SGIP1: variants seen among roughly 807,000 people sequenced by gnomAD.
The protein encoded by SGIP1 is SH3-containing GRB2-like protein 3-interacting protein 1.
SGIP1 carries 38 observed loss-of-function variants against 107.5 expected under a neutral mutation model. That is an observed-to-expected ratio of 0.35 (90% confidence interval 0.27 to 0.46). The LOEUF is 0.46. Among genes scored for constraint, SGIP1 ranks in the 20% least tolerant of loss-of-function variants. The pLI is 1.00. For synonymous variants in SGIP1, 365 were observed against 366.1 expected (o/e 1.00, Z 0.03); for missense variants, 929 against 1,019.5 (o/e 0.91, Z 1.21).
intron 18 of SGIP1, among the ~76,000 whole-genome samples, chr1:66,703,711 ATATATAT>A (rs1405145339): frequency 6.6e-6 from 1 of 151,058 alleles, no homozygotes; most frequent in Non-Finnish European, 1.5e-5. Flanking sequence ...GATCTATATC[ATATATAT>A]TATATATGAT....
intron 1 of SGIP1, among the ~76,000 whole-genome samples, chr1:66,573,447 A>T (rs1477766067): frequency 6.6e-6 from 1 of 152,162 alleles, no homozygotes; most frequent in Non-Finnish European, 1.5e-5. Flanking sequence ...TATCAGAACG[A>T]CACATGCACT....
chr1:66,636,063 CAG>C, intron 4 of SGIP1, 48 bp downstream of exon 4: 1 of 1,549,272 alleles, frequency 6.5e-7, no homozygotes, highest in Non-Finnish European at 8.9e-7. Context: ...TTATAAAAAA[CAG>C]TGAGTAAAAT....
At chr1:66,604,250 C>G (rs2066398595) in intron 1 of SGIP1, among the ~76,000 whole-genome samples, 1 of 152,066 alleles carries the variant, frequency 6.6e-6, no homozygotes, top group Admixed American at 6.5e-5. Flanking sequence ...GGGTTTATTA[C>G]CAGAGTTCTG....
At chr1:66,715,287 A>G (rs372400277) in intron 18 of SGIP1, among the ~76,000 whole-genome samples, 15 of 152,268 alleles carry the variant, frequency 9.9e-5, no homozygotes, top group East Asian at 7.7e-4. Flanking sequence ...ACAAAATGGC[A>G]TATCAATTGC....
intron 1 of SGIP1, among the ~76,000 whole-genome samples, chr1:66,574,583 T>C (rs1195070431): frequency 1.3e-5 from 2 of 152,192 alleles, no homozygotes; most frequent in East Asian, 1.9e-4. Context: ...ATGCAGAACA[T>C]AGGAGTTATC....
At chr1:66,659,127 T>A (rs150523242) in intron 7 of SGIP1, among the ~76,000 whole-genome samples, 18 of 152,200 alleles carry the variant, frequency 1.2e-4, no homozygotes, top group Admixed American at 3.3e-4. Context: ...ATTTTCCGGA[T>A]AATAAGGAGG....
Position 66,745,356 on chromosome 1 carries a change from G to A in SGIP1, c.*2261G>A, listed in dbSNP as rs1330301978. The A allele has an allele frequency of 6.6e-6, 1 of 152,122 alleles. No homozygotes were observed. Among genetic ancestry groups the A allele is most frequent in the African/African-American group, 2.4e-5 (1 of 41,554 alleles). 9.4% of individuals were successfully genotyped at this position (152,122 alleles called of 1,614,324 possible). ...AACAATTTCAAAATGATTGAACTAT[G>A]AGTAACCAGAACCTCAATAGAAAAT... is the stretch of plus-strand genomic sequence containing the variant. On this transcript the variant is annotated 3_prime_UTR_variant, in exon 25 of 25. Transcript: ENST00000371037.
intron 1 of SGIP1, among the ~76,000 whole-genome samples, chr1:66,600,600 T>C (rs2065605632): frequency 6.6e-6 from 1 of 151,940 alleles, no homozygotes; most frequent in Non-Finnish European, 1.5e-5. Context: ...GAGAGAAGAG[T>C]GTGCTCAGAA....
intron 4 of SGIP1, 35 bp from the exon 5 acceptor site, chr1:66,639,742 T>C: frequency 6.5e-7 from 1 of 1,526,944 alleles, no homozygotes; most frequent in Non-Finnish European, 9.1e-7. Flanking sequence ...TATTCAAATG[T>C]TTTCCTTCTA....
Position 66,682,373 on chromosome 1 carries a change from T to G in SGIP1, c.1315+4T>G, listed in dbSNP as rs1425062150. The stretch of plus-strand genomic sequence containing the variant: ...CCTGGTCCGGGGACCACCAGTGGTA[T>G]GTCTTATGCTTGAGTGTGCTTCTTG... On this transcript the variant is annotated splice_donor_region_variant and intron_variant, in intron 15 of 24. Transcript: ENST00000371037. 1 of 1,600,926 alleles carries G rather than the reference T, an allele frequency of 6.2e-7. No individual in the cohort carries two copies. Among genetic ancestry groups the G allele is most frequent in the Non-Finnish European group, 8.5e-7 (1 of 1,176,236 alleles).
intron 7 of SGIP1, among the ~76,000 whole-genome samples, chr1:66,647,228 A>T (rs2077813676): frequency 6.6e-6 from 1 of 152,250 alleles, no homozygotes; most frequent in African/African-American, 2.4e-5. Context: ...CGTTTCCTAG[A>T]GTAGCACTGC....
intron 1 of SGIP1, among the ~76,000 whole-genome samples, chr1:66,562,524 G>A (rs2059104077): frequency 6.6e-6 from 1 of 152,006 alleles, no homozygotes; most frequent in African/African-American, 2.4e-5. Flanking sequence ...AAGACAAAGA[G>A]GACTAGTGGG....
At chr1:66,630,278 C>G (rs1400648684) in intron 2 of SGIP1, among the ~76,000 whole-genome samples, 2 of 152,168 alleles carry the variant, frequency 1.3e-5, no homozygotes, top group Non-Finnish European at 2.9e-5. Flanking sequence ...GACCTTGTAC[C>G]TGGATTCACA....
rs761305056 is a variant in SGIP1, at chr1:66,741,278, G to T, written c.2306G>T (p.Gly769Val). 7 of 1,582,102 alleles carry T rather than the reference G, an allele frequency of 4.4e-6. No individual in the cohort carries two copies. The highest frequency in any genetic ancestry group is 8.6e-7 in the Non-Finnish European group (1 of 1,165,754). The change falls in exon 24 of 25, where the codon GGT (glycine) becomes GTT (valine). Residue 769 changes from glycine (G) to valine (V), a missense_variant. Gly to Val is a moderately radical substitution (Grantham distance 109). Transcript: ENST00000371037. Reference sequence around the variant, plus strand: ...ATAATGTGTTTTTTTTTAGGGGTGGGTTCTTTGTTGGCAAGATTTCAGTTA... The same window carrying T: ...ATAATGTGTTTTTTTTTAGGGGTGGTTTCTTTGTTGGCAAGATTTCAGTTA... ...ISQKSENGGVGSLLARFQLSE... is the reference protein window; with the variant it reads ...ISQKSENGGVVSLLARFQLSE...
intron 18 of SGIP1, among the ~76,000 whole-genome samples, chr1:66,706,951 A>C (rs1572075607): frequency 6.6e-6 from 1 of 152,296 alleles, no homozygotes; most frequent in East Asian, 1.9e-4. Flanking sequence ...ATTACTTTTA[A>C]AAATTCAAAT....
chr1:66,600,787 A>G (rs541342874), intron 1 of SGIP1, among the ~76,000 whole-genome samples: 40 of 152,182 alleles, frequency 2.6e-4, no homozygotes, highest in Non-Finnish European at 5.0e-4. Context: ...TGCTGATTTT[A>G]GGCAGGGGCA....
chr1:66,660,572 GT>G, intron 8 of SGIP1, 48 bp downstream of exon 8: 1 of 1,555,708 alleles, frequency 6.4e-7, no homozygotes, highest in Non-Finnish European at 8.9e-7. Flanking sequence ...TATTTATTCT[GT>G]TTATTTTCAT....
intron 1 of SGIP1, among the ~76,000 whole-genome samples, chr1:66,561,786 C>T (rs2058985109): frequency 6.6e-6 from 1 of 152,006 alleles, no homozygotes; most frequent in Non-Finnish European, 1.5e-5. Flanking sequence ...CTTTAGATAG[C>T]AGAGGCCTTT....
At chr1:66,737,835 T>C (rs2094319475) in intron 21 of SGIP1, among the ~76,000 whole-genome samples, 2 of 152,208 alleles carry the variant, frequency 1.3e-5, no homozygotes, top group African/African-American at 4.8e-5. Context: ...TTTTCAACAA[T>C]GCAAGGAATT....
Sources: gnomAD v4.1 joint callset for allele counts (sites outside exome capture counted in the v4.1 genomes callset) on GRCh38, gnomAD v4.1.1 for gene constraint, MANE v1.5 for transcripts, NCBI Gene and HGNC (gene_info 2026-07-23, HGNC 2026-07-21) for gene names.